Variants in CLECL1 observed in about 807,000 individuals in gnomAD.
The protein encoded by CLECL1 is C-type lectin like 1, also known as C-type lectin-like domain family 1.
intron 3 of CLECL1, among the ~76,000 whole-genome samples, chr12:9,726,141 C>CAACA (rs1271288357): frequency 2.6e-5 from 4 of 151,706 alleles, no homozygotes; most frequent in African/African-American, 9.7e-5. Context: ...GGAAACAAGC[C>CAACA]AACATATCAA....
the CLECL1 span, among the ~76,000 whole-genome samples, chr12:9,706,007 C>A: frequency 6.6e-6 from 1 of 152,192 alleles, no homozygotes; most frequent in Non-Finnish European, 1.5e-5. Flanking sequence ...TATGCATAAG[C>A]ATGGAATGTT....
upstream of CLECL1, among the ~76,000 whole-genome samples, chr12:9,734,222 ATAAC>A (rs1866489081): frequency 6.6e-6 from 1 of 152,208 alleles, no homozygotes; most frequent in Non-Finnish European, 1.5e-5. Context: ...GGTTAATTAA[ATAAC>A]TAGAGAACAG....
chr12:9,731,338 C>T lies in CLECL1; in HGVS notation n.82+1611G>A, dbSNP rs762441269. Among the ~76,000 whole-genome samples, 240 of 152,188 alleles carry T rather than the reference C, an allele frequency of 1.6e-3. 1 individual carries two copies. Among genetic ancestry groups the T allele is most frequent in the African/African-American group, 5.6e-3 (231 of 41,494 alleles). On this transcript the variant is annotated intron_variant and non_coding_transcript_variant, in intron 1 of 3. Coordinates refer to ENST00000621400, the Ensembl canonical transcript of CLECL1. The stretch of plus-strand genomic sequence containing the variant: ...TTAATTTCCTGCTCTATATTTAGTA[C>T]GGTGTGAGGTGCTAGAAACACAAAG...
the CLECL1 span, among the ~76,000 whole-genome samples, chr12:9,708,441 G>A: frequency 6.6e-6 from 1 of 152,136 alleles, no homozygotes; most frequent in South Asian, 2.1e-4. Context: ...CTTCTGAAAC[G>A]CCTTTTCAGT....
chr12:9,718,172 ATTTTGT>A (rs1866260273), downstream of CLECL1, among the ~76,000 whole-genome samples: 1 of 152,046 alleles, frequency 6.6e-6, no homozygotes, highest in African/African-American at 2.4e-5. Flanking sequence ...TGAGATATAC[ATTTTGT>A]ATGATATTTA....
At chr12:9,720,595 G>GC (rs907678954), downstream of CLECL1, among the ~76,000 whole-genome samples, 10 of 151,966 alleles carry the variant, frequency 6.6e-5, no homozygotes, top group Admixed American at 4.6e-4. Context: ...GACCACGTTG[G>GC]CCCCCCAAGT....
chr12:9,725,685 T>C (rs927742331), intron 3 of CLECL1, among the ~76,000 whole-genome samples: 2 of 152,098 alleles, frequency 1.3e-5, no homozygotes, highest in African/African-American at 2.4e-5. Flanking sequence ...GAAACAACTT[T>C]AGGAGAAACA....
the CLECL1 span, among the ~76,000 whole-genome samples, chr12:9,706,436 GTCTTCAAGGGGAAT>G: frequency 6.6e-6 from 1 of 152,154 alleles, no homozygotes; most frequent in African/African-American, 2.4e-5. Context: ...TCTTGTGTCA[GTCTTCAAGGGGAAT>G]TCTTTGAGCT....
intron 2 of CLECL1, among the ~76,000 whole-genome samples, chr12:9,717,153 G>A (rs745457693): frequency 9.2e-4 from 140 of 152,346 alleles, no homozygotes; most frequent in African/African-American, 3.2e-3. Context: ...GCTCATGCCT[G>A]TAATCCTAGC....
At position 9,716,598 on chromosome 12, in the gene CLECL1, C is replaced by T. The variant is rs112840188; in HGVS notation, n.331G>A. On this transcript the variant is annotated non_coding_transcript_exon_variant, in exon 3 of 3. Transcript: ENST00000540988. ...ATCTCCTGGCGGCTGGTGGCTGCCACGAACTTGTCCCATTCCTCTTGCTCA... is the reference window on the plus strand; with the variant it reads ...ATCTCCTGGCGGCTGGTGGCTGCCATGAACTTGTCCCATTCCTCTTGCTCA... 1,164 of 241,628 alleles carry T rather than the reference C, an allele frequency of 4.8e-3. 17 individuals carry two copies. Among genetic ancestry groups the T allele is most frequent in the African/African-American group, 0.025 (1,086 of 42,774 alleles). 15.0% of individuals were successfully genotyped at this position (241,628 alleles called of 1,614,324 possible). A position where few individuals can be genotyped will look rare whatever the true frequency, so the allele number is the denominator to read the frequency against.
intron 3 of CLECL1, among the ~76,000 whole-genome samples, chr12:9,723,980 T>C (rs1320741900): frequency 6.6e-6 from 1 of 151,652 alleles, no homozygotes; most frequent in Non-Finnish European, 1.5e-5. Context: ...TTGAGGTCAG[T>C]TTGAGACCAA....
the CLECL1 span, chr12:9,704,197 A>T: frequency 1.3e-5 from 2 of 152,210 alleles, no homozygotes; most frequent in Admixed American, 6.5e-5. Context: ...AATATGAAAT[A>T]CTTGATTTTT....
chr12:9,704,524 C>T, the CLECL1 span, among the ~76,000 whole-genome samples: 3 of 152,092 alleles, frequency 2.0e-5, no homozygotes, highest in Admixed American at 2.0e-4. Context: ...AGTATTATGC[C>T]TAGTATCCAT....
downstream of CLECL1, among the ~76,000 whole-genome samples, chr12:9,719,175 C>T (rs751073018): frequency 6.6e-6 from 1 of 152,270 alleles, no homozygotes; most frequent in Non-Finnish European, 1.5e-5. Context: ...TGGCTCATGC[C>T]TGTAATAGCA....
At chr12:9,710,486 G>C in the CLECL1 span, among the ~76,000 whole-genome samples, 1 of 152,080 alleles carries the variant, frequency 6.6e-6, no homozygotes, top group Non-Finnish European at 1.5e-5. Flanking sequence ...GGCTGGCTAG[G>C]GCTCCATACC....
chr12:9,713,050 A>C (rs1289375175), downstream of CLECL1, among the ~76,000 whole-genome samples: 1 of 152,170 alleles, frequency 6.6e-6, no homozygotes, highest in African/African-American at 2.4e-5. Flanking sequence ...CGAATGCACA[A>C]TTTCTGTTCC....
downstream of CLECL1, among the ~76,000 whole-genome samples, chr12:9,712,111 C>T (rs898074647): frequency 2.6e-5 from 4 of 152,170 alleles, no homozygotes; most frequent in African/African-American, 9.7e-5. Flanking sequence ...GACCCTATAG[C>T]TTACTTTTAA....
chr12:9,716,728 AC>A (rs1357244565), exon 3 of CLECL1: 1 of 1,256,944 alleles, frequency 8.0e-7, no homozygotes, highest in African/African-American at 1.5e-5. Context: ...TCTCCTCAGC[AC>A]TGAAGTCTAG....
At chr12:9,718,163 G>A (rs970662242), downstream of CLECL1, among the ~76,000 whole-genome samples, 2 of 151,880 alleles carry the variant, frequency 1.3e-5, no homozygotes, top group Non-Finnish European at 2.9e-5. Flanking sequence ...ATTATGATTT[G>A]AGATATACAT....
Sources: allele counts gnomAD v4.1 joint callset (sites outside exome capture counted in the v4.1 genomes callset), GRCh38; gene constraint gnomAD v4.1.1; transcripts MANE v1.5; gene names NCBI Gene and HGNC (gene_info 2026-07-23, HGNC 2026-07-21).